GFPT2: variants seen among roughly 807,000 people sequenced by gnomAD.
The protein encoded by GFPT2 is glutamine--fructose-6-phosphate transaminase 2.
Under a neutral mutation model 85.6 loss-of-function variants are expected in GFPT2, and 62 were observed. That is an observed-to-expected ratio of 0.72 (90% CI 0.59 to 0.90). The LOEUF (loss-of-function observed/expected upper bound fraction) is 0.90, where lower values mean the gene tolerates loss of function less well. Ranked by LOEUF, GFPT2 falls within the 40% of genes least tolerant of loss-of-function variation. The pLI, the probability that GFPT2 is intolerant of heterozygous loss-of-function variation, is 0.00. For missense variants in GFPT2, 788 were observed against 893.4 expected (o/e 0.88, Z 1.50); for synonymous variants, 368 against 344.5 (o/e 1.07, Z -0.75).
chr5:180,322,570 C>G (rs903710378), intron 9 of GFPT2, among the ~76,000 whole-genome samples: 7 of 152,210 alleles, frequency 4.6e-5, no homozygotes, highest in Non-Finnish European at 8.8e-5. Context: ...CCACTTGAAC[C>G]AGATACAGCT....
At chr5:180,309,817 T>C (rs1382470468) in intron 15 of GFPT2, among the ~76,000 whole-genome samples, 4 of 129,264 alleles carry the variant, frequency 3.1e-5, no homozygotes, top group Non-Finnish European at 6.1e-5. Context: ...AGGCCATTCC[T>C]TTTTTTTTTT....
chr5:180,317,543 A>G (rs565300344), intron 10 of GFPT2, among the ~76,000 whole-genome samples: 1 of 145,124 alleles, frequency 6.9e-6, no homozygotes, highest in East Asian at 1.9e-4. Context: ...GCGGATCACG[A>G]AGTCAGGAGA....
intron 14 of GFPT2, 94 bp downstream of exon 14, chr5:180,313,713 G>T (rs1207341753): frequency 9.3e-7 from 1 of 1,069,954 alleles, no homozygotes; most frequent in Admixed American, 2.9e-5. Context: ...AAGAAAGGCG[G>T]TGGCGCGGGC....
rs75417734 is a variant in GFPT2 at position 180,314,879 on chromosome 5, T to G, written c.1274-915A>C. Among the ~76,000 whole-genome samples the G allele has an allele frequency of 9.0e-3, 1,374 of 152,298 alleles. 20 individuals are homozygous for G. Among genetic ancestry groups the G allele is most frequent in the African/African-American group, 0.032 (1,317 of 41,546 alleles). ...CAGAGATTCGGAAGCTGCCACTGCA[T>G]TATTTTCATATTAGCTCCACCTCTG... On this transcript the variant is annotated intron_variant, in intron 13 of 18. Transcript: ENST00000253778.
chr5:180,337,366 T>C (rs1252796735), intron 2 of GFPT2, among the ~76,000 whole-genome samples: 3 of 148,112 alleles, frequency 2.0e-5, no homozygotes, highest in South Asian at 2.1e-4. Flanking sequence ...GGCAGAAGAA[T>C]GGCGTGAACC....
intron 1 of GFPT2, among the ~76,000 whole-genome samples, chr5:180,345,512 G>A (rs568032499): frequency 3.3e-5 from 5 of 152,274 alleles, no homozygotes; most frequent in Non-Finnish European, 7.3e-5. Context: ...CTTCGCAAAG[G>A]CGCCTCTGAC....
chr5:180,335,787 G>T, intron 4 of GFPT2, 41 bp downstream of exon 4: 1 of 1,590,240 alleles, frequency 6.3e-7, no homozygotes, highest in Admixed American at 1.8e-5. Context: ...CACAGCTCAG[G>T]GTGAGGTGGA....
At chr5:180,321,033 G>A (rs1276605403) in intron 9 of GFPT2, among the ~76,000 whole-genome samples, 4 of 152,164 alleles carry the variant, frequency 2.6e-5, no homozygotes, top group Admixed American at 1.3e-4. Context: ...AACTTCGTAT[G>A]CTTTGTATAA....
intron 15 of GFPT2, among the ~76,000 whole-genome samples, chr5:180,308,274 A>AAAAG (rs1303344432): frequency 6.6e-6 from 1 of 151,918 alleles, no homozygotes; most frequent in African/African-American, 2.4e-5. Flanking sequence ...AAAAAGAAGA[A>AAAAG]AAAGAAAGAA....
In GFPT2 at chr5:180,318,198, G is replaced by A. The variant is rs1056810608; in HGVS notation, c.958+595C>T. Among the ~76,000 whole-genome samples, 1 of 152,146 alleles carries A rather than the reference G, an allele frequency of 6.6e-6. No individual in the cohort carries two copies. The highest frequency in any genetic ancestry group is 1.5e-5 in the Non-Finnish European group (1 of 68,010). On this transcript the variant is annotated intron_variant, in intron 10 of 18. Transcript: ENST00000253778. This position sits in a 1 kb window ranked among gnomAD's most constrained non-coding sequence, Gnocchi z 4.2. ...GCGGGGCACAGTGGGACAGAGGGTTGAGTGTGGTGGGGCCAGGCTTTGGCC... is the reference window on the plus strand; with the variant it reads ...GCGGGGCACAGTGGGACAGAGGGTTAAGTGTGGTGGGGCCAGGCTTTGGCC...
chr5:180,329,939 T>C (rs929581644), intron 6 of GFPT2, among the ~76,000 whole-genome samples: 9 of 152,238 alleles, frequency 5.9e-5, no homozygotes, highest in Admixed American at 1.3e-4. Context: ...CCCTGGGCCC[T>C]GTCCTCTGGG....
chr5:180,316,219 G>T (rs958496964), intron 13 of GFPT2, 122 bp downstream of exon 13: 2 of 954,362 alleles, frequency 2.1e-6, no homozygotes, highest in Middle Eastern at 3.3e-4. Context: ...TTAAATGACC[G>T]CTGCAAGAGA....
chr5:180,340,739 C>T (rs1284605392), intron 1 of GFPT2, among the ~76,000 whole-genome samples: 3 of 151,668 alleles, frequency 2.0e-5, no homozygotes, highest in Non-Finnish European at 4.4e-5. Context: ...TGGTCTCAAT[C>T]TCCTGACCTC....
chr5:180,329,894 G>A (rs1764274392), intron 6 of GFPT2, among the ~76,000 whole-genome samples: 1 of 152,172 alleles, frequency 6.6e-6, no homozygotes, highest in South Asian at 2.1e-4. Flanking sequence ...TGGACAATAC[G>A]CCCAGTGTGT....
intron 1 of GFPT2, among the ~76,000 whole-genome samples, chr5:180,349,886 T>C (rs984727210): frequency 1.3e-5 from 2 of 151,944 alleles, no homozygotes; most frequent in Non-Finnish European, 2.9e-5. Flanking sequence ...TTGTTTTTTT[T>C]TTTTTCTCCC....
chr5:180,318,962 G>T lies in GFPT2; in HGVS notation c.795-6C>A. ...TGGTGTGCTCTATGATAGCGCTGGG[G>T]CAAGGGAAACAGGCATCATCAGTGC... On this transcript the variant is annotated splice_polypyrimidine_tract_variant and splice_region_variant and intron_variant, in intron 9 of 18. Transcript: ENST00000253778. The surrounding 1 kb of genome is among the most constrained non-coding windows in gnomAD (Gnocchi z 4.2). 4 of 1,611,200 alleles carry T rather than the reference G, an allele frequency of 2.5e-6. No homozygotes were observed. The highest frequency in any genetic ancestry group is 3.4e-6 in the Non-Finnish European group (4 of 1,179,670).
intron 11 of GFPT2, 33 bp from the exon 12 acceptor site, chr5:180,316,894 G>T: frequency 6.4e-7 from 1 of 1,573,328 alleles, no homozygotes; most frequent in Non-Finnish European, 8.7e-7. Flanking sequence ...TTAATGCTGA[G>T]TCTACACAGT....
intron 9 of GFPT2, 143 bp downstream of exon 9, chr5:180,324,045 G>A (rs779634512): frequency 3.1e-5 from 21 of 675,700 alleles, no homozygotes; most frequent in Non-Finnish European, 4.8e-5. Flanking sequence ...CCCAGGCCCA[G>A]GGATGGCTGA....
chr5:180,310,048 G>A (rs1763850478), intron 15 of GFPT2, among the ~76,000 whole-genome samples: 1 of 151,554 alleles, frequency 6.6e-6, no homozygotes, highest in Non-Finnish European at 1.5e-5. Flanking sequence ...CTGACCTCAT[G>A]ATCTGCCTGC....
Sources: gnomAD v4.1 joint callset for allele counts (sites outside exome capture counted in the v4.1 genomes callset) on GRCh38, gnomAD v4.1.1 for gene constraint, Gnocchi (gnomAD v3.1) non-coding constraint, MANE v1.5 for transcripts, NCBI Gene and HGNC (gene_info 2026-07-23, HGNC 2026-07-21) for gene names.